The following TYR variants were observed in gnomAD, a reference collection of about 807,000 sequenced individuals.
TYR encodes the protein tyrosinase.
Under a neutral mutation model 51.5 loss-of-function variants are expected in TYR, and 58 were observed. That is an observed-to-expected ratio of 1.13 (90% CI 0.91 to 1.40). TYR has a LOEUF of 1.40. Among genes scored for constraint, TYR ranks in the 40% most tolerant of loss-of-function variants. TYR has a pLI of 0.00. For synonymous variants in TYR, 263 were observed against 235.2 expected (o/e 1.12, Z -1.08); for missense variants, 732 against 647.4 (o/e 1.13, Z -1.42).
Position 89,295,332 on chromosome 11 carries a change from A to G in TYR, c.1556A>G (p.Glu519Gly). The change falls in exon 5 of 5, where the codon GAG becomes GGG. Residue 519 changes from glutamate to glycine, a missense_variant. Coordinates refer to ENST00000263321, the MANE Select transcript of TYR (RefSeq NM_000372.5). ...AAGCAGCCACTCCTCATGGAGAAAG[A>G]GGATTACCACAGCTTGTATCAGAGC... Reference protein sequence around the residue: ...EEKQPLLMEKEDYHSLYQSHL With the variant: ...EEKQPLLMEKGDYHSLYQSHL 1 of 1,613,248 alleles carries G rather than the reference A, an allele frequency of 6.2e-7. No homozygotes were observed. The highest frequency in any genetic ancestry group is 8.5e-7 in the Non-Finnish European group (1 of 1,179,544).
At chr11:89,181,692 A>C (rs970005121) in intron 1 of TYR, among the ~76,000 whole-genome samples, 1 of 152,154 alleles carries the variant, frequency 6.6e-6, no homozygotes, top group African/African-American at 2.4e-5. Flanking sequence ...AGAGATCTTC[A>C]ATTTTATTTA....
intron 2 of TYR, among the ~76,000 whole-genome samples, chr11:89,224,138 G>A (rs558250780): frequency 6.6e-6 from 1 of 152,158 alleles, no homozygotes; most frequent in South Asian, 2.1e-4. Context: ...TGATGCTAGG[G>A]TGGTACCTAA....
chr11:89,199,784 T>C (rs1654719285), intron 2 of TYR, among the ~76,000 whole-genome samples: 1 of 152,182 alleles, frequency 6.6e-6, no homozygotes, highest in African/African-American at 2.4e-5. Context: ...GTCTTCATGA[T>C]GTGTATTTAT....
chr11:89,269,515 C>T (rs1272100613), intron 3 of TYR, among the ~76,000 whole-genome samples: 1 of 151,890 alleles, frequency 6.6e-6, no homozygotes, highest in African/African-American at 2.4e-5. Context: ...CTTTCTTAAA[C>T]TTTTAATTAT....
At chr11:89,285,288 T>C (rs1944771393) in intron 4 of TYR, among the ~76,000 whole-genome samples, 1 of 151,726 alleles carries the variant, frequency 6.6e-6, no homozygotes, top group African/African-American at 2.4e-5. Flanking sequence ...CATCCCTGAA[T>C]CTCAGTTTAT....
At chr11:89,181,008 A>G (rs1215670447) in intron 1 of TYR, among the ~76,000 whole-genome samples, 1 of 152,202 alleles carries the variant, frequency 6.6e-6, no homozygotes, top group Admixed American at 6.5e-5. Context: ...ATTTCTTGCC[A>G]GAAATTCAGA....
intron 3 of TYR, among the ~76,000 whole-genome samples, chr11:89,248,347 A>G (rs1298571173): frequency 6.6e-6 from 1 of 152,228 alleles, no homozygotes; most frequent in Non-Finnish European, 1.5e-5. Flanking sequence ...TATTTTATAA[A>G]GAATTACTTG....
intron 3 of TYR, among the ~76,000 whole-genome samples, chr11:89,250,986 G>A (rs1944325481): frequency 6.6e-6 from 1 of 151,842 alleles, no homozygotes; most frequent in Admixed American, 6.6e-5. Flanking sequence ...CAAATCATTT[G>A]AAGGGAGCAA....
At chr11:89,252,542 G>T (rs902424127) in intron 3 of TYR, among the ~76,000 whole-genome samples, 5 of 151,784 alleles carry the variant, frequency 3.3e-5, no homozygotes, top group African/African-American at 1.2e-4. Context: ...ACAAGTCAAA[G>T]GAAGATTTTA....
chr11:89,283,263 C>A (rs1944739374), intron 3 of TYR, among the ~76,000 whole-genome samples: 1 of 151,794 alleles, frequency 6.6e-6, no homozygotes, highest in African/African-American at 2.4e-5. Flanking sequence ...GTAGTGTGTT[C>A]AAGTTCAGAT....
chr11:89,289,322 G>GAATTTGTT (rs1364884334), intron 4 of TYR, among the ~76,000 whole-genome samples: 2 of 151,980 alleles, frequency 1.3e-5, no homozygotes, highest in African/African-American at 4.8e-5. Flanking sequence ...TATCATTCAT[G>GAATTTGTT]AATTTGTTCA....
At chr11:89,186,832 C>G (rs1170329200) in intron 1 of TYR, among the ~76,000 whole-genome samples, 3 of 152,048 alleles carry the variant, frequency 2.0e-5, no homozygotes, top group African/African-American at 4.8e-5. Flanking sequence ...CAGTGGGGTC[C>G]TAATCCAACA....
chr11:89,263,534 G>T (rs1235407153), intron 3 of TYR, among the ~76,000 whole-genome samples: 15 of 151,934 alleles, frequency 9.9e-5, no homozygotes, highest in Admixed American at 9.2e-4. Context: ...GCATGAAAAA[G>T]AATAAAAATT....
chr11:89,230,556 C>T (rs1212248516), intron 3 of TYR, among the ~76,000 whole-genome samples: 1 of 151,942 alleles, frequency 6.6e-6, no homozygotes, highest in Non-Finnish European at 1.5e-5. Context: ...TAAAAATCTC[C>T]AAGCGACCAA....
chr11:89,240,948 A>C (rs1369648179), intron 3 of TYR, among the ~76,000 whole-genome samples: 2 of 152,194 alleles, frequency 1.3e-5, no homozygotes, highest in African/African-American at 2.4e-5. Context: ...CAAACAAAAA[A>C]CTTTCTGGCG....
rs1944684703 is a variant in TYR, at chr11:89,278,559, C to A, written c.1185-6214C>A. 2.6e-5 allele frequency among the ~76,000 whole-genome samples: 4 copies of A among 151,544 alleles called. No individual in the cohort carries two copies. In the South Asian group the frequency reaches 8.3e-4, roughly 32 times the overall value. On this transcript the variant is annotated intron_variant, in intron 3 of 4. Transcript: ENST00000263321. ...TTACAACGAATCAGTTCCCAAATAT[C>A]CAACTATCTTAAGGCTTCCTTGTTT...
At chr11:89,220,251 A>G (rs1397450721) in intron 2 of TYR, among the ~76,000 whole-genome samples, 1 of 152,186 alleles carries the variant, frequency 6.6e-6, no homozygotes, top group African/African-American at 2.4e-5. Context: ...ATTATGGTAG[A>G]AGGCAGAGAG....
intron 1 of TYR, among the ~76,000 whole-genome samples, chr11:89,182,875 A>C (rs912530104): frequency 2.0e-5 from 3 of 152,132 alleles, no homozygotes; most frequent in Admixed American, 6.6e-5. Flanking sequence ...CAAAGAGGAA[A>C]AAACATTTCC....
intron 2 of TYR, among the ~76,000 whole-genome samples, chr11:89,204,735 G>A (rs1254507383): frequency 6.6e-6 from 1 of 151,010 alleles, no homozygotes; most frequent in Non-Finnish European, 1.5e-5. Flanking sequence ...GATTTAATAA[G>A]ATCTGTAGTC....
Sources: gnomAD v4.1 joint callset for allele counts (sites outside exome capture counted in the v4.1 genomes callset) on GRCh38, gnomAD v4.1.1 for gene constraint, MANE v1.5 for transcripts, NCBI Gene and HGNC (gene_info 2026-07-23, HGNC 2026-07-21) for gene names.